Variants in ST6GALNAC5 observed in about 807,000 individuals in gnomAD.
ST6GALNAC5 encodes the protein alpha-N-acetylgalactosaminide alpha-2,6-sialyltransferase 5.
Under a neutral mutation model 33.6 loss-of-function variants are expected in ST6GALNAC5, and 27 were observed. That is an observed-to-expected ratio of 0.80 (90% CI 0.59 to 1.11). ST6GALNAC5 has a LOEUF of 1.11. Ranked by LOEUF, ST6GALNAC5 falls within the 50% of genes least tolerant of loss-of-function variation. The pLI is 0.00. For missense variants in ST6GALNAC5, 428 were observed against 454.0 expected (o/e 0.94, Z 0.52); for synonymous variants, 194 against 171.2 (o/e 1.13, Z -1.04).
chr1:77,003,392 C>T (rs1464613207), intron 2 of ST6GALNAC5, among the ~76,000 whole-genome samples: 4 of 148,596 alleles, frequency 2.7e-5, no homozygotes, highest in Non-Finnish European at 3.0e-5. Context: ...TGTCTCTGCA[C>T]GTGAGATGGG....
chr1:76,997,972 A>G (rs915397997), intron 2 of ST6GALNAC5, among the ~76,000 whole-genome samples: 3 of 152,170 alleles, frequency 2.0e-5, no homozygotes, highest in Non-Finnish European at 4.4e-5. Context: ...GTGACTTCTC[A>G]TGAGATCTGA....
chr1:77,016,005 G>A (rs1411148991), intron 2 of ST6GALNAC5, among the ~76,000 whole-genome samples: 1 of 151,668 alleles, frequency 6.6e-6, no homozygotes, highest in African/African-American at 2.4e-5. Context: ...TTCAGCTCTA[G>A]CCAAATTCAC....
intron 2 of ST6GALNAC5, among the ~76,000 whole-genome samples, chr1:76,957,654 A>G (rs1237728293): frequency 7.7e-6 from 1 of 130,440 alleles, no homozygotes; most frequent in East Asian, 2.4e-4. Context: ...TCCATTTGAA[A>G]GTACTAGACA....
intron 4 of ST6GALNAC5, among the ~76,000 whole-genome samples, chr1:77,055,019 G>A (rs1488166965): frequency 3.3e-5 from 5 of 151,776 alleles, no homozygotes; most frequent in Non-Finnish European, 7.4e-5. Flanking sequence ...CTTTCATTTG[G>A]TACTGTGATG....
intron 2 of ST6GALNAC5, among the ~76,000 whole-genome samples, chr1:76,869,931 CA>C (rs1166988811): frequency 6.6e-6 from 1 of 151,802 alleles, no homozygotes; most frequent in African/African-American, 2.4e-5. Context: ...TGTAGGGGTG[CA>C]AAAATGAGAA....
At chr1:77,002,489 C>T (rs1402548242) in intron 2 of ST6GALNAC5, among the ~76,000 whole-genome samples, 1 of 151,700 alleles carries the variant, frequency 6.6e-6, no homozygotes, top group African/African-American at 2.4e-5. Flanking sequence ...TCTCTATTTC[C>T]TTCAGTTCTG....
chr1:76,893,201 TAA>T (rs1654050256), intron 2 of ST6GALNAC5, among the ~76,000 whole-genome samples: 1 of 151,972 alleles, frequency 6.6e-6, no homozygotes, highest in Admixed American at 6.6e-5. Context: ...AAGTGCACAG[TAA>T]AAGTTTGTTA....
chr1:76,918,864 G>T (rs988888535), intron 2 of ST6GALNAC5, among the ~76,000 whole-genome samples: 4 of 152,054 alleles, frequency 2.6e-5, no homozygotes, highest in Non-Finnish European at 5.9e-5. Context: ...CTGAAGAATT[G>T]TAAGGACTGT....
chr1:76,985,223 T>G (rs1030766236), intron 2 of ST6GALNAC5, among the ~76,000 whole-genome samples: 1 of 152,316 alleles, frequency 6.6e-6, no homozygotes, highest in African/African-American at 2.4e-5. Context: ...GGAAGTCAAA[T>G]TGTCCCTTTT....
chr1:76,869,055 T>C, intron 2 of ST6GALNAC5: 1 of 276,162 alleles, frequency 3.6e-6, no homozygotes, highest in Non-Finnish European at 6.6e-6. Context: ...GTCCGGTTCC[T>C]GAAGCCTCGG....
At chr1:77,049,865 C>A (rs1012636459) in intron 3 of ST6GALNAC5, among the ~76,000 whole-genome samples, 1 of 152,166 alleles carries the variant, frequency 6.6e-6, no homozygotes, top group Non-Finnish European at 1.5e-5. Flanking sequence ...CATTATCTAG[C>A]CTGTTTGGGG....
intron 3 of ST6GALNAC5, among the ~76,000 whole-genome samples, chr1:77,045,900 C>G (rs1013897427): frequency 3.9e-5 from 6 of 152,166 alleles, no homozygotes; most frequent in African/African-American, 1.2e-4. Flanking sequence ...AACTCTGGCT[C>G]TGTCACTCTC....
intron 2 of ST6GALNAC5, among the ~76,000 whole-genome samples, chr1:76,940,747 C>T (rs1647313560): frequency 6.6e-6 from 1 of 152,064 alleles, no homozygotes; most frequent in South Asian, 2.1e-4. Context: ...GTAATATCCA[C>T]ACCCCGCTGA....
At chr1:77,028,838 T>A (rs1013889751) in intron 2 of ST6GALNAC5, among the ~76,000 whole-genome samples, 1 of 152,200 alleles carries the variant, frequency 6.6e-6, no homozygotes, top group African/African-American at 2.4e-5. Context: ...AGTGATGGGA[T>A]TTGAACCCAA....
At chr1:77,009,616 G>C (rs933889827) in intron 2 of ST6GALNAC5, among the ~76,000 whole-genome samples, 1 of 152,042 alleles carries the variant, frequency 6.6e-6, no homozygotes, top group Non-Finnish European at 1.5e-5. Flanking sequence ...CCATCTTCCT[G>C]TCCTCCCCCA....
chr1:76,891,891 A>G (rs1654020705), intron 2 of ST6GALNAC5, among the ~76,000 whole-genome samples: 1 of 152,190 alleles, frequency 6.6e-6, no homozygotes, highest in South Asian at 2.1e-4. Flanking sequence ...CCGCATATCT[A>G]TGTATTTTAA....
chr1:76,944,872 T>C (rs1473484174), intron 2 of ST6GALNAC5, among the ~76,000 whole-genome samples: 2 of 151,804 alleles, frequency 1.3e-5, no homozygotes, highest in Non-Finnish European at 2.9e-5. Flanking sequence ...AGAATTCAAC[T>C]GAGGGAAAAA....
intron 2 of ST6GALNAC5, among the ~76,000 whole-genome samples, chr1:76,936,955 T>A (rs1698828): frequency 1.4e-4 from 4 of 27,588 alleles, no homozygotes; most frequent in African/African-American, 4.9e-4. Context: ...AGAAGCAGGG[T>A]GTGTGTGTGT....
chr1:76,948,261 T>C (rs571398403), intron 2 of ST6GALNAC5, among the ~76,000 whole-genome samples: 16 of 152,146 alleles, frequency 1.1e-4, no homozygotes, highest in Admixed American at 7.9e-4. Flanking sequence ...GCAAGGGAGA[T>C]TGGGGAGTGG....
Sources: gnomAD v4.1 joint callset for allele counts (sites outside exome capture counted in the v4.1 genomes callset) on GRCh38, gnomAD v4.1.1 for gene constraint, MANE v1.5 for transcripts, NCBI Gene and HGNC (gene_info 2026-07-23, HGNC 2026-07-21) for gene names.